The following RNF138 variants were observed in gnomAD, a reference collection of about 807,000 sequenced individuals.
RNF138 encodes ring finger protein 138.
In RNF138, 12 loss-of-function variants were observed where a neutral mutation model predicts 31.0. The observed-to-expected ratio is 0.39, with a 90% CI of 0.25 to 0.63. RNF138 has a LOEUF of 0.63. Ranked by LOEUF, RNF138 falls within the 20% of genes least tolerant of loss-of-function variation. The pLI, the probability that RNF138 is intolerant of heterozygous loss-of-function variation, is 0.52. For synonymous variants in RNF138, 105 were observed against 99.5 expected (o/e 1.06, Z -0.33); for missense variants, 192 against 300.1 (o/e 0.64, Z 2.66).
chr18:32,100,289 T>A (rs939088710), intron 2 of RNF138, among the ~76,000 whole-genome samples: 20 of 151,222 alleles, frequency 1.3e-4, no homozygotes, highest in Non-Finnish European at 2.8e-4. Context: ...ACCTCTATTT[T>A]ATTATTTTAT....
At chr18:32,117,604 C>T (rs780781811) in intron 4 of RNF138, among the ~76,000 whole-genome samples, 8 of 152,100 alleles carry the variant, frequency 5.3e-5, no homozygotes, top group Non-Finnish European at 1.0e-4. Context: ...TATGAATATA[C>T]GGGAATTGGT....
Position 32,126,630 on chromosome 18 carries a change from G to A in RNF138, c.562-63G>A, listed in dbSNP as rs559040117. 306 of 1,034,650 alleles carry A rather than the reference G, an allele frequency of 3.0e-4. 1 individual carries two copies. Among genetic ancestry groups the A allele is most frequent in the Non-Finnish European group, 2.6e-4 (181 of 686,010 alleles). 64.1% of individuals were successfully genotyped at this position (1,034,650 alleles called of 1,614,324 possible). A position where few individuals can be genotyped will look rare whatever the true frequency, so the allele number is the denominator to read the frequency against. On this transcript the variant is annotated intron_variant, in intron 6 of 7. Transcript: ENST00000261593. ...CATATCCCTGTGTTATTTTAATACTGTCAATTGTATAATATTTCATTGTTT... is the reference window on the plus strand; with the variant it reads ...CATATCCCTGTGTTATTTTAATACTATCAATTGTATAATATTTCATTGTTT...
At position 32,124,728 on chromosome 18, in the gene RNF138, T is replaced by C. The variant is rs1278614539; in HGVS notation, c.450-6T>C. The stretch of plus-strand genomic sequence containing the variant: ...TAAGTATGTTTCACTTAAAATTGTT[T>C]TATAGTTCTTCTGGTCATCCTACTT... On this transcript the variant is annotated splice_region_variant and splice_polypyrimidine_tract_variant and intron_variant, in intron 5 of 7. Transcript: ENST00000261593. The C allele has an allele frequency of 1.3e-5, 19 of 1,419,090 alleles. No individual in the cohort carries two copies. The highest frequency in any genetic ancestry group is 2.8e-5 in the African/African-American group (2 of 71,152). 87.9% of individuals were successfully genotyped at this position (1,419,090 alleles called of 1,614,324 possible). A position where few individuals can be genotyped will look rare whatever the true frequency, so the allele number is the denominator to read the frequency against.
chr18:32,117,751 A>C (rs997466939), intron 4 of RNF138, among the ~76,000 whole-genome samples: 2 of 152,140 alleles, frequency 1.3e-5, no homozygotes, highest in Non-Finnish European at 2.9e-5. Context: ...ATATTGGAGG[A>C]TGTTTTAGCA....
At position 32,111,759 on chromosome 18, in the gene RNF138, G is replaced by A; in HGVS notation, c.116G>A (p.Cys39Tyr). 1 of 1,610,820 alleles carries A rather than the reference G, an allele frequency of 6.2e-7. No homozygotes were observed. Among genetic ancestry groups the A allele is most frequent in the South Asian group, 1.1e-5 (1 of 90,492 alleles). The change falls in exon 3 of 8, where the codon TGT becomes TAT. Residue 39 changes from cysteine to tyrosine, a missense_variant. By Grantham distance (194) the Cys-to-Tyr change is radical (BLOSUM62 -2). Around this residue, in one of 2 missense-constraint regions of RNF138, gnomAD observed 140 missense variants for 251.7 expected, o/e 0.56. Coordinates refer to ENST00000261593, the MANE Select transcript of RNF138 (RefSeq NM_016271.5). ...VRTTACQHVF[C>Y]RKCFLTAMRE... ...TGTCACAATGTTTGGTTTAGTTTCTGTAGAAAATGTTTCCTGACTGCAATG... is the reference window on the plus strand; with the variant it reads ...TGTCACAATGTTTGGTTTAGTTTCTATAGAAAATGTTTCCTGACTGCAATG...
At chr18:32,115,180 G>A (rs1460102310) in intron 4 of RNF138, among the ~76,000 whole-genome samples, 2 of 152,146 alleles carry the variant, frequency 1.3e-5, no homozygotes, top group Non-Finnish European at 2.9e-5. Context: ...AAAGTTCTTA[G>A]TATACATGAT....
chr18:32,117,592 G>A (rs1050444953), intron 4 of RNF138, among the ~76,000 whole-genome samples: 1 of 152,132 alleles, frequency 6.6e-6, no homozygotes, highest in Non-Finnish European at 1.5e-5. Flanking sequence ...CACACTCCAC[G>A]TTATGAATAT....
intron 2 of RNF138, chr18:32,109,583 T>C (rs973470184): frequency 6.6e-6 from 1 of 152,146 alleles, no homozygotes; most frequent in African/African-American, 2.4e-5. Context: ...TTTGGTTACT[T>C]TTACTATTTT....
At chr18:32,113,398 G>A (rs758407795) in intron 3 of RNF138, among the ~76,000 whole-genome samples, 5 of 152,102 alleles carry the variant, frequency 3.3e-5, no homozygotes, top group Non-Finnish European at 7.3e-5. Flanking sequence ...AACTCTGCCA[G>A]GCTGCAGAAG....
intron 2 of RNF138, among the ~76,000 whole-genome samples, chr18:32,103,202 T>C (rs1323330219): frequency 1.3e-5 from 2 of 151,782 alleles, no homozygotes; most frequent in Non-Finnish European, 2.9e-5. Context: ...GGTTAGAGAC[T>C]AGTTTTAATT....
At chr18:32,093,367 A>G (rs949281201) in intron 2 of RNF138, among the ~76,000 whole-genome samples, 5 of 152,044 alleles carry the variant, frequency 3.3e-5, no homozygotes, top group Admixed American at 3.3e-4. Context: ...CCCTGCTTTC[A>G]AGTTTCCTCT....
chr18:32,113,968 CAT>C (rs1176339036), intron 4 of RNF138, 108 bp downstream of exon 4: 4 of 584,790 alleles, frequency 6.8e-6, no homozygotes, highest in South Asian at 2.3e-5. Context: ...TGTATGTGCA[CAT>C]GTGTTTTTAA....
chr18:32,092,981 G>A (rs1568220401), intron 2 of RNF138, 95 bp downstream of exon 2: 4 of 591,600 alleles, frequency 6.8e-6, no homozygotes, highest in Non-Finnish European at 1.1e-5. Flanking sequence ...CGGGAACCGA[G>A]CCCGCCGCGG....
chr18:32,100,201 G>T (rs1428427447), intron 2 of RNF138, among the ~76,000 whole-genome samples: 1 of 146,562 alleles, frequency 6.8e-6, no homozygotes, highest in Non-Finnish European at 1.5e-5. Flanking sequence ...TAGTGATTGA[G>T]ATATATATAT....
At chr18:32,118,274 G>A (rs2040248299) in intron 4 of RNF138, among the ~76,000 whole-genome samples, 1 of 152,164 alleles carries the variant, frequency 6.6e-6, no homozygotes, top group African/African-American at 2.4e-5. Flanking sequence ...AGTGGCTCAC[G>A]CCTGTAGTCC....
At chr18:32,095,284 C>T (rs2144557974) in intron 2 of RNF138, among the ~76,000 whole-genome samples, 1 of 152,288 alleles carries the variant, frequency 6.6e-6, no homozygotes, top group East Asian at 1.9e-4. Context: ...ACCCTCCCGC[C>T]TCAGCCTCTC....
intron 4 of RNF138, among the ~76,000 whole-genome samples, chr18:32,114,282 A>G (rs1320425611): frequency 6.6e-6 from 1 of 152,214 alleles, no homozygotes; most frequent in Non-Finnish European, 1.5e-5. Flanking sequence ...CTAAAATGTC[A>G]TGTAAAAATG....
At chr18:32,098,852 CAAA>C (rs76852201) in intron 2 of RNF138, among the ~76,000 whole-genome samples, 5 of 58,282 alleles carry the variant, frequency 8.6e-5, no homozygotes, top group Non-Finnish European at 7.1e-5. Context: ...GACTCCGTTT[CAAA>C]AAAAAAAAAA....
chr18:32,131,068 GCAAA>G lies in RNF138; in HGVS notation c.*1882_*1885del, dbSNP rs2040468946. ...GTCAAGTTAAACCATTCTGGGATTT[GCAAA>G]GTTTAATACATCCAATATGTCAAGT... On this transcript the variant is annotated 3_prime_UTR_variant, in exon 8 of 8. Coordinates refer to ENST00000261593, the MANE Select transcript of RNF138 (RefSeq NM_016271.5). 1.3e-5 allele frequency: 2 copies of G among 150,028 alleles called. No individual in the cohort carries two copies. Among genetic ancestry groups the G allele is most frequent in the Admixed American group, 6.7e-5 (1 of 14,816 alleles). 9.3% of individuals were successfully genotyped at this position (150,028 alleles called of 1,614,324 possible).
Sources: allele counts gnomAD v4.1 joint callset (sites outside exome capture counted in the v4.1 genomes callset), GRCh38; gene constraint gnomAD v4.1.1; regional missense constraint gnomAD v4.1.1; transcripts MANE v1.5; gene names NCBI Gene and HGNC (gene_info 2026-07-23, HGNC 2026-07-21).